The following MAPK8 variants were observed in gnomAD, a reference collection of about 807,000 sequenced individuals.
MAPK8 encodes JUN N-terminal kinase.
In MAPK8, 13 loss-of-function variants were observed where a neutral mutation model predicts 52.9. The ratio of observed to expected loss-of-function variants is 0.25; its 90% CI spans 0.16 to 0.39. MAPK8 has a LOEUF of 0.39. Ranked by LOEUF, MAPK8 falls within the 10% of genes least tolerant of loss-of-function variation. The pLI is 1.00. For missense variants in MAPK8, 300 were observed against 519.2 expected, an observed-to-expected ratio of 0.58 and a Z score of 4.10; for synonymous variants, 191 against 169.8, an observed-to-expected ratio of 1.12 and a Z score of -0.97.
chr10:48,342,404 C>T (rs1368338231), intron 1 of MAPK8, among the ~76,000 whole-genome samples: 1 of 152,062 alleles, frequency 6.6e-6, no homozygotes, highest in Non-Finnish European at 1.5e-5. Context: ...CACACCTGGC[C>T]ATAATTTTAT....
intron 1 of MAPK8, among the ~76,000 whole-genome samples, chr10:48,322,168 A>G (rs1405726650): frequency 2.0e-5 from 3 of 152,182 alleles, no homozygotes; most frequent in Non-Finnish European, 4.4e-5. Context: ...TTTCAAGTGC[A>G]TGTGGACTGA....
intron 1 of MAPK8, among the ~76,000 whole-genome samples, chr10:48,391,297 C>G (rs1206998644): frequency 6.6e-6 from 1 of 152,090 alleles, no homozygotes; most frequent in African/African-American, 2.4e-5. Context: ...ATAATAATGC[C>G]AATATTTGTT....
rs534569841 is a variant in MAPK8 at position 48,308,592 on chromosome 10, G to A, written c.-50+1771G>A. The stretch of plus-strand genomic sequence containing the variant: ...TGTATGTGCTAGTTTATGTGTGTCC[G>A]TGTGTGTGCATGTACGTAATCCACA... On this transcript the variant is annotated intron_variant, in intron 1 of 11. Transcript: ENST00000374189. Among the ~76,000 whole-genome samples, 14 of 152,166 alleles carry A rather than the reference G, an allele frequency of 9.2e-5. No individual in the cohort carries two copies. In the South Asian group the frequency reaches 1.2e-3, roughly 14 times the overall value.
chr10:48,355,615 A>G (rs547082713), intron 1 of MAPK8, among the ~76,000 whole-genome samples: 1 of 152,332 alleles, frequency 6.6e-6, no homozygotes, highest in Admixed American at 6.5e-5. Flanking sequence ...TTCAAGAGAA[A>G]CAGTTGAAAA....
intron 1 of MAPK8, among the ~76,000 whole-genome samples, chr10:48,374,415 G>A (rs2040522647): frequency 6.6e-6 from 1 of 152,036 alleles, no homozygotes; most frequent in Admixed American, 6.6e-5. Flanking sequence ...GAAGGAGATA[G>A]AGACATGAAA....
At chr10:48,391,376 T>C (rs1316313323) in intron 1 of MAPK8, among the ~76,000 whole-genome samples, 1 of 152,170 alleles carries the variant, frequency 6.6e-6, no homozygotes, top group Non-Finnish European at 1.5e-5. Context: ...TCAGAAGCCT[T>C]CTAAGTAGGG....
At position 48,424,155 on chromosome 10, in the gene MAPK8, G is replaced by A; in HGVS notation, c.684G>A (p.Arg228=). The A allele has an allele frequency of 6.2e-7, 1 of 1,612,646 alleles. No homozygotes were observed. Among genetic ancestry groups the A allele is most frequent in the South Asian group, 1.1e-5 (1 of 90,958 alleles). The change falls in exon 7 of 12, where the codon AGG becomes AGA. Residue 228 remains arginine (R), a synonymous_variant. Transcript: ENST00000374189. ...GCCACAAAATCCTCTTTCCAGGAAG[G>A]GACTGTATCCTTGTGCTGCTGCAGC... ...MVCHKILFPG[R]DYIDQWNKVI... is the part of the protein sequence containing the mutation.
chr10:48,317,679 G>T (rs79272389), intron 1 of MAPK8, among the ~76,000 whole-genome samples: 1,689 of 152,292 alleles, frequency 0.011, 36 homozygotes, highest in African/African-American at 0.039. Flanking sequence ...GTAGAGGAGA[G>T]ATCTTTTCCA....
chr10:48,420,004 C>G (rs1333308875), intron 5 of MAPK8, 151 bp from the exon 6 acceptor site: 19 of 479,904 alleles, frequency 4.0e-5, no homozygotes, highest in Non-Finnish European at 6.4e-5. Flanking sequence ...CTCAGGTTTG[C>G]CTTTTAACGA....
At chr10:48,423,040 G>C (rs1372909467) in intron 6 of MAPK8, among the ~76,000 whole-genome samples, 1 of 152,148 alleles carries the variant, frequency 6.6e-6, no homozygotes, top group Non-Finnish European at 1.5e-5. Flanking sequence ...AAGTTTCTAA[G>C]GCTTTTCCTT....
chr10:48,424,033 T>C, intron 6 of MAPK8, 55 bp from the exon 7 acceptor site: 1 of 1,426,816 alleles, frequency 7.0e-7, no homozygotes, highest in Middle Eastern at 1.8e-4. Flanking sequence ...TATGCTTCTT[T>C]GATTTTAATG....
chr10:48,413,852 T>TA (rs1313466329), intron 5 of MAPK8, among the ~76,000 whole-genome samples: 1 of 122,486 alleles, frequency 8.2e-6, no homozygotes, highest in Non-Finnish European at 1.7e-5. Flanking sequence ...TATATATATA[T>TA]ATATATATTC....
At chr10:48,403,621 C>G (rs1177816098) in intron 2 of MAPK8, among the ~76,000 whole-genome samples, 1 of 152,038 alleles carries the variant, frequency 6.6e-6, no homozygotes, top group Non-Finnish European at 1.5e-5. Flanking sequence ...CTGGCCTGTT[C>G]TCATTGTAAC....
At chr10:48,334,657 A>G (rs920465920) in intron 1 of MAPK8, among the ~76,000 whole-genome samples, 3 of 152,082 alleles carry the variant, frequency 2.0e-5, no homozygotes, top group Admixed American at 6.6e-5. Context: ...GGTGAGATTC[A>G]TCTCCCTTTT....
intron 1 of MAPK8, among the ~76,000 whole-genome samples, chr10:48,386,675 CA>C (rs2041331701): frequency 6.6e-6 from 1 of 152,014 alleles, no homozygotes; most frequent in Non-Finnish European, 1.5e-5. Flanking sequence ...AAACAGTAGC[CA>C]AAAATGGCCA....
chr10:48,398,456 G>A (rs1004991479), intron 1 of MAPK8, among the ~76,000 whole-genome samples: 4 of 152,252 alleles, frequency 2.6e-5, no homozygotes, highest in African/African-American at 4.8e-5. Context: ...ATGGCAATCC[G>A]AAGAATGTGG....
At chr10:48,324,459 C>T (rs1843282224) in intron 1 of MAPK8, among the ~76,000 whole-genome samples, 3 of 141,860 alleles carry the variant, frequency 2.1e-5, no homozygotes, top group Admixed American at 7.6e-5. Context: ...CACATTTGAT[C>T]GTTGTTGCTT....
chr10:48,364,873 C>T (rs556816265), intron 1 of MAPK8, among the ~76,000 whole-genome samples: 1 of 152,136 alleles, frequency 6.6e-6, no homozygotes. Flanking sequence ...CAAGCTAGAG[C>T]AATCAGTCAT....
chr10:48,322,144 T>A (rs1387208441), intron 1 of MAPK8, among the ~76,000 whole-genome samples: 1 of 152,158 alleles, frequency 6.6e-6, no homozygotes, highest in Non-Finnish European at 1.5e-5. Flanking sequence ...TGATTTTTCT[T>A]ACTTTAGTAA....
Sources: gnomAD v4.1 joint callset for allele counts (sites outside exome capture counted in the v4.1 genomes callset) on GRCh38, gnomAD v4.1.1 for gene constraint, MANE v1.5 for transcripts, NCBI Gene and HGNC (gene_info 2026-07-23, HGNC 2026-07-21) for gene names.